The following RAD51B variants were observed in gnomAD, a reference collection of about 807,000 sequenced individuals.
The protein encoded by RAD51B is DNA repair protein RAD51 homolog 2.
Under a neutral mutation model 42.2 loss-of-function variants are expected in RAD51B, and 38 were observed. That is an observed-to-expected ratio of 0.90 (90% confidence interval 0.70 to 1.18). RAD51B has a LOEUF of 1.18. RAD51B is among the 50% of genes most tolerant of loss of function. The pLI, the probability that RAD51B is intolerant of heterozygous loss-of-function variation, is 0.00. For missense variants in RAD51B, 373 were observed against 400.7 expected (o/e 0.93, Z 0.59); for synonymous variants, 154 against 145.2 (o/e 1.06, Z -0.43).
intron 7 of RAD51B, among the ~76,000 whole-genome samples, chr14:68,149,431 T>C (rs184346794): frequency 2.6e-5 from 4 of 152,342 alleles, no homozygotes; most frequent in Admixed American, 2.0e-4. Context: ...TCCAGCATCG[T>C]TTGTTGAAAA....
chr14:68,355,842 C>G (rs1363621185), intron 8 of RAD51B, among the ~76,000 whole-genome samples: 1 of 152,074 alleles, frequency 6.6e-6, no homozygotes, highest in African/African-American at 2.4e-5. Context: ...AACTCTATGT[C>G]CATAAATAAT....
intron 7 of RAD51B, among the ~76,000 whole-genome samples, chr14:68,077,717 A>G (rs1254303219): frequency 6.6e-6 from 1 of 152,174 alleles, no homozygotes; most frequent in African/African-American, 2.4e-5. Context: ...GCACTTTGGG[A>G]GGCCAAGGTG....
At chr14:68,360,438 C>T (rs1193541555) in intron 8 of RAD51B, among the ~76,000 whole-genome samples, 2 of 152,240 alleles carry the variant, frequency 1.3e-5, no homozygotes, top group South Asian at 2.1e-4. Flanking sequence ...CAGGGCCCAA[C>T]CTTAGGTGGC....
chr14:67,835,236 T>A, intron 4 of RAD51B, 40 bp downstream of exon 4: 1 of 1,384,998 alleles, frequency 7.2e-7, no homozygotes, highest in Non-Finnish European at 1.0e-6. Context: ...CATTGACCTA[T>A]AACCTTCAGA....
At chr14:68,189,037 A>G (rs923323413) in intron 7 of RAD51B, among the ~76,000 whole-genome samples, 2 of 152,094 alleles carry the variant, frequency 1.3e-5, no homozygotes. Context: ...TTCTGCTGCT[A>G]TAGTTTAACT....
In RAD51B at chr14:68,632,968, C is replaced by CTTTTTTTTTTTTTTTTTTTTTTTTTTTT. The variant is rs397852024; in HGVS notation, c.1037-17809_1037-17782dup. ...TTTTTTCTTTTTTCTTTTTCTTTTTCTTTTTTTTTTTTTTTTTTTTTTTTT... is the reference window on the plus strand; with the variant it reads ...TTTTTTCTTTTTTCTTTTTCTTTTTCTTTTTTTTTTTTTTTTTTTTTTTTTTTTTTTTTTTTTTTTTTTTTTTTTTTTT... On this transcript the variant is annotated intron_variant, in intron 10 of 11. Transcript: ENST00000488612. Among the ~76,000 whole-genome samples the CTTTTTTTTTTTTTTTTTTTTTTTTTTTT allele has an allele frequency of 8.4e-5, 5 of 59,428 alleles. 1 individual carries two copies. The highest frequency in any genetic ancestry group is 1.2e-4 in the Non-Finnish European group (4 of 33,744). The allele number at this position is 59,428 out of a possible 152,430, so 39.0% of individuals were successfully genotyped here. A position where few individuals can be genotyped will look rare whatever the true frequency, so the allele number is the denominator to read the frequency against.
chr14:68,553,590 A>G (rs1365281904), intron 10 of RAD51B, among the ~76,000 whole-genome samples: 1 of 152,130 alleles, frequency 6.6e-6, no homozygotes, highest in Non-Finnish European at 1.5e-5. Flanking sequence ...GCTTAACCAA[A>G]GGATGAAAAT....
intron 7 of RAD51B, among the ~76,000 whole-genome samples, chr14:67,975,835 T>C (rs956519434): frequency 1.3e-4 from 20 of 152,220 alleles, no homozygotes; most frequent in Non-Finnish European, 2.6e-4. Context: ...ACCTTTAGGC[T>C]GAATTTAAAA....
intron 7 of RAD51B, among the ~76,000 whole-genome samples, chr14:68,193,510 AT>A (rs2079308115): frequency 1.3e-5 from 2 of 152,198 alleles, no homozygotes; most frequent in South Asian, 4.1e-4. Context: ...AAACAATGAT[AT>A]TTAGATTTAT....
chr14:68,363,418 ATC>A (rs2083072112), intron 8 of RAD51B, among the ~76,000 whole-genome samples: 1 of 152,218 alleles, frequency 6.6e-6, no homozygotes, highest in South Asian at 2.1e-4. Flanking sequence ...TGTATGATAT[ATC>A]TGTTAATATA....
chr14:68,313,720 T>A (rs1162742723), intron 8 of RAD51B, among the ~76,000 whole-genome samples: 1 of 152,166 alleles, frequency 6.6e-6, no homozygotes, highest in African/African-American at 2.4e-5. Context: ...ATCCTTCACC[T>A]CTAGCTTGCA....
chr14:67,915,145 G>A (rs2044109312), intron 7 of RAD51B, among the ~76,000 whole-genome samples: 1 of 152,192 alleles, frequency 6.6e-6, no homozygotes, highest in Non-Finnish European at 1.5e-5. Context: ...CTATCTGCAT[G>A]ATGGGATTAT....
rs1461472866 is a variant in RAD51B, at chr14:68,413,899, T to C, written c.957+2372T>C. On this transcript the variant is annotated intron_variant, in intron 9 of 10. Transcript: ENST00000471583. ...TAAGACCTCTGGGACACCAGCCACT[T>C]AGAGAAGATAACAGGTATAGTTTTT... Among the ~76,000 whole-genome samples, 4 of 150,970 alleles carry C rather than the reference T, an allele frequency of 2.6e-5. No individual in the cohort carries two copies. The Admixed American group carries it at 2.7e-4, about 10-fold the overall frequency.
intron 9 of RAD51B, among the ~76,000 whole-genome samples, chr14:68,438,491 A>G (rs1047624068): frequency 3.3e-5 from 5 of 152,174 alleles, no homozygotes; most frequent in Non-Finnish European, 2.9e-5. Context: ...TTACGTGGAC[A>G]GTGTATGGCT....
Position 68,592,249 on chromosome 14 carries a change from AATG to A in RAD51B, c.1037-2232_1037-2230del, listed in dbSNP as rs1168439815. Among the ~76,000 whole-genome samples, 24 of 139,038 alleles carry A rather than the reference AATG, an allele frequency of 1.7e-4. 1 individual carries two copies. Among genetic ancestry groups the A allele is most frequent in the African/African-American group, 7.6e-4 (24 of 31,670 alleles). 91.2% of individuals were successfully genotyped at this position (139,038 alleles called of 152,430 possible). A position where few individuals can be genotyped will look rare whatever the true frequency, so the allele number is the denominator to read the frequency against. ...AGCAGGGAGGTACAAAGGGGTAGGCAATGATGTGTGTGTGTGTGTGTGTGTGTG... is the reference window on the plus strand; with the variant it reads ...AGCAGGGAGGTACAAAGGGGTAGGCAATGTGTGTGTGTGTGTGTGTGTGTG... On this transcript the variant is annotated intron_variant, in intron 10 of 10. Transcript: ENST00000487270.
intron 7 of RAD51B, among the ~76,000 whole-genome samples, chr14:68,145,849 T>C (rs1446438214): frequency 6.6e-6 from 1 of 152,234 alleles, no homozygotes; most frequent in Non-Finnish European, 1.5e-5. Flanking sequence ...GGCCCCTGCT[T>C]TTCATCTGGC....
At chr14:67,862,546 A>G (rs2042197692) in intron 4 of RAD51B, among the ~76,000 whole-genome samples, 1 of 152,206 alleles carries the variant, frequency 6.6e-6, no homozygotes, top group South Asian at 2.1e-4. Context: ...ACTTTTGCAT[A>G]ATTGATGGAA....
chr14:68,392,677 AG>A (rs1161279357), intron 8 of RAD51B, among the ~76,000 whole-genome samples: 1 of 152,248 alleles, frequency 6.6e-6, no homozygotes, highest in East Asian at 1.9e-4. Context: ...CAATTACCTA[AG>A]AGCTGGGAGG....
rs1002843918 is a variant in RAD51B, at chr14:68,563,001, G to A, written c.1037-31484G>A. ...CCGGGCTGCTGCCGGTCCCTCCAGA[G>A]TTCACGGCTGGGCATGATGAGACCA... On this transcript the variant is annotated intron_variant, in intron 10 of 10. Coordinates refer to the RAD51B transcript ENST00000487270. 2.4e-5 allele frequency: 24 copies of A among 985,340 alleles called. No individual in the cohort carries two copies. In the African/African-American group the frequency reaches 4.0e-4, roughly 16 times the overall value. The allele number at this position is 985,340 out of a possible 1,614,324, so 61.0% of individuals were successfully genotyped here. A position where few individuals can be genotyped will look rare whatever the true frequency, so the allele number is the denominator to read the frequency against.
Sources: allele counts gnomAD v4.1 joint callset (sites outside exome capture counted in the v4.1 genomes callset), GRCh38; gene constraint gnomAD v4.1.1; transcripts MANE v1.5; gene names NCBI Gene and HGNC (gene_info 2026-07-23, HGNC 2026-07-21).